CD47: variants seen among roughly 807,000 people sequenced by gnomAD.
CD47 encodes the protein CD47 molecule.
In CD47, 11 loss-of-function variants were observed where a neutral mutation model predicts 44.6. The ratio of observed to expected loss-of-function variants is 0.25; its 90% CI spans 0.16 to 0.41. The LOEUF is 0.41. CD47 is among the 10% of genes least tolerant of loss of function. The pLI is 1.00. For missense variants in CD47, 306 were observed against 386.7 expected, an observed-to-expected ratio of 0.79 and a Z score of 1.75; for synonymous variants, 140 against 136.3, an observed-to-expected ratio of 1.03 and a Z score of -0.19.
intron 3 of CD47, among the ~76,000 whole-genome samples, chr3:108,068,062 A>C (rs2079134723): frequency 6.6e-6 from 1 of 152,234 alleles, no homozygotes; most frequent in Non-Finnish European, 1.5e-5. Context: ...ATAAATGGTA[A>C]TCAGGAAAAG....
At chr3:108,050,323 G>A (rs1576985466) in intron 9 of CD47, among the ~76,000 whole-genome samples, 1 of 152,070 alleles carries the variant, frequency 6.6e-6, no homozygotes, top group East Asian at 1.9e-4. Context: ...TCAACATGTT[G>A]GCCAGGATGG....
chr3:108,072,151 T>C, intron 2 of CD47, among the ~76,000 whole-genome samples: 1 of 152,230 alleles, frequency 6.6e-6, no homozygotes, highest in East Asian at 1.9e-4. Flanking sequence ...GTTTCTGCTC[T>C]AACAATAAAG....
intron 1 of CD47, among the ~76,000 whole-genome samples, chr3:108,084,780 T>C (rs940675219): frequency 6.6e-6 from 1 of 152,064 alleles, no homozygotes; most frequent in African/African-American, 2.4e-5. Context: ...TCCTTAGCCA[T>C]GGAGAATTCT....
chr3:108,085,733 G>T (rs577579120), intron 1 of CD47, among the ~76,000 whole-genome samples: 2 of 152,106 alleles, frequency 1.3e-5, no homozygotes, highest in South Asian at 4.2e-4. Flanking sequence ...TCTAACACAG[G>T]GTCCAGAAAG....
chr3:108,064,395 G>C (rs981661554), intron 3 of CD47, among the ~76,000 whole-genome samples: 2 of 152,154 alleles, frequency 1.3e-5, no homozygotes, highest in African/African-American at 4.8e-5. Context: ...AATTCATGCA[G>C]ATGAAGCAAT....
intron 7 of CD47, 113 bp downstream of exon 7, chr3:108,057,364 C>T (rs2078928967): frequency 1.7e-6 from 1 of 594,752 alleles, no homozygotes; most frequent in Admixed American, 2.8e-5. Context: ...CGAATCACTC[C>T]AATTGTATTT....
chr3:108,050,395 C>T (rs892822879), intron 9 of CD47, among the ~76,000 whole-genome samples, 183 bp downstream of exon 9: 3 of 152,060 alleles, frequency 2.0e-5, no homozygotes, highest in African/African-American at 7.2e-5. Flanking sequence ...GGATCGCAAG[C>T]GTGAGCCACC....
At chr3:108,059,044 T>C (rs2078967140) in intron 5 of CD47, among the ~76,000 whole-genome samples, 1 of 152,202 alleles carries the variant, frequency 6.6e-6, no homozygotes, top group Non-Finnish European at 1.5e-5. Flanking sequence ...AAAACAAATA[T>C]GTTTCTACTA....
At chr3:108,076,232 C>A (rs2079308619) in intron 2 of CD47, among the ~76,000 whole-genome samples, 2 of 152,294 alleles carry the variant, frequency 1.3e-5, no homozygotes, top group South Asian at 4.1e-4. Flanking sequence ...CACTAGAAAA[C>A]TAATACAAAG....
intron 10 of CD47, among the ~76,000 whole-genome samples, chr3:108,048,213 T>C (rs917656315): frequency 1.3e-5 from 2 of 152,154 alleles, no homozygotes; most frequent in African/African-American, 2.4e-5. Context: ...TTTTAACTTA[T>C]TCCTGTGAAC....
At chr3:108,065,691 G>T (rs1490141728) in intron 3 of CD47, among the ~76,000 whole-genome samples, 1 of 151,660 alleles carries the variant, frequency 6.6e-6, no homozygotes, top group African/African-American at 2.4e-5. Flanking sequence ...CACGCCAGTA[G>T]CCTGTAGCTA....
intron 1 of CD47, among the ~76,000 whole-genome samples, chr3:108,086,633 G>T (rs1363217376): frequency 6.6e-6 from 1 of 152,184 alleles, no homozygotes; most frequent in Non-Finnish European, 1.5e-5. Flanking sequence ...TTAAGTGGCA[G>T]TGATTCTTTT....
intron 3 of CD47, among the ~76,000 whole-genome samples, chr3:108,062,295 T>C (rs2079028628): frequency 6.6e-6 from 1 of 152,198 alleles, no homozygotes; most frequent in African/African-American, 2.4e-5. Flanking sequence ...AACTTCCCTA[T>C]TTTCTAGGCT....
chr3:108,080,210 T>C lies in CD47; in HGVS notation c.181A>G (p.Lys61Glu). Reference protein sequence around the residue: ...TTEVYVKWKFKGRDIYTFDGA... With the variant: ...TTEVYVKWKFEGRDIYTFDGA... ...TCAAAGGTGTAAATATCTCTTCCTT[T>C]AAATTTCCACTTTACGTATACTTCA... Residue 61 changes from lysine to glutamate, a missense_variant, in exon 2 of 11, where the codon AAA (lysine) becomes GAA (glutamate). Lys to Glu is a moderately conservative substitution (Grantham distance 56). This residue lies in a region of CD47 where 25 missense variants were observed against 52.7 expected (regional missense o/e 0.47). Transcript: ENST00000361309. 1 of 1,612,826 alleles carries C rather than the reference T, an allele frequency of 6.2e-7. No individual in the cohort carries two copies.
intron 2 of CD47, among the ~76,000 whole-genome samples, chr3:108,078,761 C>T (rs1289346363): frequency 1.3e-5 from 2 of 151,966 alleles, no homozygotes; most frequent in Middle Eastern, 6.8e-3. Flanking sequence ...CACACAAATC[C>T]CTCTCACAAT....
At chr3:108,059,632 T>A (rs2078976447) in intron 4 of CD47, 88 bp from the exon 5 acceptor site, 1 of 595,434 alleles carries the variant, frequency 1.7e-6, no homozygotes, top group Non-Finnish European at 2.7e-6. Flanking sequence ...ACTGTGAAAA[T>A]TTTAAAAATA....
chr3:108,059,754 G>T (rs1277197090), intron 4 of CD47, among the ~76,000 whole-genome samples: 2 of 152,102 alleles, frequency 1.3e-5, no homozygotes, highest in East Asian at 3.9e-4. Flanking sequence ...ACCTTGAATT[G>T]GCTCTGCCTC....
chr3:108,055,682 GTATACTTATATGCTAACC>G, intron 7 of CD47: 2 of 487,082 alleles, frequency 4.1e-6, no homozygotes, highest in Non-Finnish European at 7.5e-6. Context: ...TTAGCATATA[GTATACTTATATGCTAACC>G]TATGACAAAG....
chr3:108,050,935 G>C, intron 8 of CD47: 1 of 331,068 alleles, frequency 3.0e-6, no homozygotes, highest in Non-Finnish European at 6.0e-6. Context: ...AAATAACACA[G>C]TGAAGAGGTG....
Sources: allele counts gnomAD v4.1 joint callset (sites outside exome capture counted in the v4.1 genomes callset), GRCh38; gene constraint gnomAD v4.1.1; regional missense constraint gnomAD v4.1.1; transcripts MANE v1.5; gene names NCBI Gene and HGNC (gene_info 2026-07-23, HGNC 2026-07-21).